The following TBC1D9B variants were observed in gnomAD, a reference collection of about 807,000 sequenced individuals.
The protein encoded by TBC1D9B is TBC1 domain family member 9B.
Under a neutral mutation model 121.1 loss-of-function variants are expected in TBC1D9B, and 87 were observed. The observed-to-expected ratio is 0.72, with a 90% CI of 0.60 to 0.86. TBC1D9B has a LOEUF of 0.86. Ranked by LOEUF, TBC1D9B falls within the 40% of genes least tolerant of loss-of-function variation. The pLI is 0.00. For synonymous variants in TBC1D9B, 668 were observed against 670.1 expected (o/e 1.00, Z 0.05); for missense variants, 1,540 against 1,628.6 (o/e 0.95, Z 0.94).
Position 179,907,766 on chromosome 5 carries a change from C to G in TBC1D9B, c.56G>C (p.Arg19Pro). Residue 19 changes from arginine to proline, a missense_variant, in exon 1 of 21, where the codon CGG (arginine) becomes CCG (proline). Transcript: ENST00000355235. This position sits in a 1 kb window ranked among gnomAD's most constrained non-coding sequence, Gnocchi z 5.3. ...LVANALWVTERANPFFVLQRR... is the reference protein window; with the variant it reads ...LVANALWVTEPANPFFVLQRR... ...CTGCAGCACGAAGAAGGGGTTGGCCCGCTCCGTCACCCACAGCGCATTGGC... is the reference window on the plus strand; with the variant it reads ...CTGCAGCACGAAGAAGGGGTTGGCCGGCTCCGTCACCCACAGCGCATTGGC... 3 of 1,224,442 alleles carry G rather than the reference C, an allele frequency of 2.5e-6. No homozygotes were observed. The highest frequency in any genetic ancestry group is 3.1e-6 in the Non-Finnish European group (3 of 954,546). 75.8% of individuals were successfully genotyped at this position (1,224,442 alleles called of 1,614,324 possible).
chr5:179,878,713 T>C (rs1202265599), intron 9 of TBC1D9B, among the ~76,000 whole-genome samples, 190 bp from the exon 10 acceptor site: 1 of 152,184 alleles, frequency 6.6e-6, no homozygotes, highest in Non-Finnish European at 1.5e-5. Flanking sequence ...AGTGGCTGAC[T>C]TGCCTCTTCC....
intron 17 of TBC1D9B, chr5:179,869,319 C>T (rs1760115214): frequency 5.7e-6 from 2 of 350,044 alleles, no homozygotes; most frequent in African/African-American, 4.3e-5. Flanking sequence ...GCCAGTGCAG[C>T]CCCACTAGGC....
chr5:179,886,970 T>C (rs1411848219), intron 7 of TBC1D9B, among the ~76,000 whole-genome samples: 3 of 152,134 alleles, frequency 2.0e-5, no homozygotes, highest in African/African-American at 7.2e-5. Flanking sequence ...AAGACACACA[T>C]CAAGTTGCTT....
At position 179,893,205 on chromosome 5, in the gene TBC1D9B, G is replaced by A. The variant is rs373008662; in HGVS notation, c.836+4C>T. ...GCCCACCCCAGCCCTGGAGGGCAAC[G>A]CACCGCTTCAGGGCTGAGATGTTCC... On this transcript the variant is annotated splice_donor_region_variant and intron_variant, in intron 5 of 20. Coordinates refer to ENST00000355235, the MANE Select transcript of TBC1D9B (RefSeq NM_015043.4). 47 of 1,599,596 alleles carry A rather than the reference G, an allele frequency of 2.9e-5. 1 individual carries two copies. Among genetic ancestry groups the A allele is most frequent in the African/African-American group, 5.4e-5 (4 of 74,692 alleles).
At position 179,879,840 on chromosome 5, in the gene TBC1D9B, G is replaced by A. The variant is rs752893810; in HGVS notation, c.1255-51C>T. 3 of 1,533,562 alleles carry A rather than the reference G, an allele frequency of 2.0e-6. No individual in the cohort carries two copies. The South Asian group carries it at 3.8e-5, about 19-fold the overall frequency. 95.0% of individuals were successfully genotyped at this position (1,533,562 alleles called of 1,614,324 possible). A position where few individuals can be genotyped will look rare whatever the true frequency, so the allele number is the denominator to read the frequency against. On this transcript the variant is annotated intron_variant, in intron 7 of 20. Coordinates refer to ENST00000355235, the MANE Select transcript of TBC1D9B (RefSeq NM_015043.4). ...CGCCCTAACAACTGTGCTGCCAGGT[G>A]GCCTCTGATGCGCCCATCCATCCAG...
rs1582107753 is a variant in TBC1D9B at position 179,902,600 on chromosome 5, T to G, written c.229+2102A>C. ...CGCTGCGTGGCTGTGGCTGGGCCCCTCCCCAGCACCAGGCCTGCTGTGACT... is the reference window on the plus strand; with the variant it reads ...CGCTGCGTGGCTGTGGCTGGGCCCCGCCCCAGCACCAGGCCTGCTGTGACT... On this transcript the variant is annotated intron_variant, in intron 2 of 20. Transcript: ENST00000355235. The surrounding 1 kb of genome is among the most constrained non-coding windows in gnomAD (Gnocchi z 4.9). Among the ~76,000 whole-genome samples, 1 of 152,072 alleles carries G rather than the reference T, an allele frequency of 6.6e-6. No homozygotes were observed. Among genetic ancestry groups the G allele is most frequent in the Non-Finnish European group, 1.5e-5 (1 of 67,978 alleles).
At chr5:179,877,814 G>A (rs1760403503) in intron 10 of TBC1D9B, among the ~76,000 whole-genome samples, 1 of 152,212 alleles carries the variant, frequency 6.6e-6, no homozygotes, top group Non-Finnish European at 1.5e-5. Flanking sequence ...GCACAGTAAG[G>A]CAAATACTGT....
chr5:179,878,428 G>A lies in TBC1D9B; in HGVS notation c.1663C>T (p.Arg555Ter), dbSNP rs199992645. ...KYSLATEEIE[R>*]DLHRSMPEHP... is the part of the protein sequence containing the mutation. ...TCGGGCATGGAGCGGTGCAGGTCTC[G>A]CTCGATCTCCTCTGTGGCCAGGCTG... Residue 555 changes from arginine (R) to a stop codon, truncating the protein, a stop_gained, in exon 10 of 21, where the codon CGA becomes TGA. Transcript: ENST00000355235. LOFTEE classifies it high-confidence loss of function. 2.6e-5 allele frequency: 42 copies of A among 1,613,156 alleles called. No individual in the cohort carries two copies. Among genetic ancestry groups the A allele is most frequent in the Non-Finnish European group, 3.4e-5 (40 of 1,179,656 alleles).
At position 179,904,843 on chromosome 5, in the gene TBC1D9B, G is replaced by A. The variant is rs1761270994; in HGVS notation, c.119-31C>T. 2.0e-6 allele frequency: 3 copies of A among 1,520,258 alleles called. No individual in the cohort carries two copies. The African/African-American group carries it at 4.2e-5, about 21-fold the overall frequency. The allele number at this position is 1,520,258 out of a possible 1,614,324, so 94.2% of individuals were successfully genotyped here. On this transcript the variant is annotated intron_variant, in intron 1 of 20. Transcript: ENST00000355235. The surrounding 1 kb of genome is among the most constrained non-coding windows in gnomAD (Gnocchi z 4.2). ...AACAGGGCAGAGAGACATAGAGGGTGAGGGGAGGGCCGGACTGAGGCCCCT... is the reference window on the plus strand; with the variant it reads ...AACAGGGCAGAGAGACATAGAGGGTAAGGGGAGGGCCGGACTGAGGCCCCT...
In TBC1D9B at chr5:179,890,470, G is replaced by A. The variant is rs1172126100; in HGVS notation, c.1044+909C>T. The stretch of plus-strand genomic sequence containing the variant: ...GGGCCCTGGTGCTAACAGAATGTGG[G>A]GTTCGGGTCACACCTGAGCCTCTTA... On this transcript the variant is annotated intron_variant, in intron 6 of 20. Transcript: ENST00000355235. This position sits in a 1 kb window ranked among gnomAD's most constrained non-coding sequence, Gnocchi z 5.0. Among the ~76,000 whole-genome samples, 4 of 152,198 alleles carry A rather than the reference G, an allele frequency of 2.6e-5. No homozygotes were observed. Among genetic ancestry groups the A allele is most frequent in the African/African-American group, 7.2e-5 (3 of 41,438 alleles).
At chr5:179,897,718 G>A (rs1476949126) in intron 3 of TBC1D9B, among the ~76,000 whole-genome samples, 3 of 152,250 alleles carry the variant, frequency 2.0e-5, no homozygotes, top group African/African-American at 7.2e-5. Context: ...TGGCATATAG[G>A]AGGCAGTGAA....
rs905482785 is a variant in TBC1D9B, at chr5:179,906,758, G to A, written c.118+946C>T. Among the ~76,000 whole-genome samples, 4 of 152,346 alleles carry A rather than the reference G, an allele frequency of 2.6e-5. No individual in the cohort carries two copies. The South Asian group carries it at 6.2e-4, about 24-fold the overall frequency. On this transcript the variant is annotated intron_variant, in intron 1 of 20. Coordinates refer to ENST00000355235, the MANE Select transcript of TBC1D9B (RefSeq NM_015043.4). ...GAAACGTGGCCCAGGAGAAGCCTCC[G>A]TCTGCATCTGGCTATTAGCTGCTCA...
chr5:179,884,815 T>C (rs1341201387), intron 7 of TBC1D9B, among the ~76,000 whole-genome samples: 1 of 152,108 alleles, frequency 6.6e-6, no homozygotes, highest in East Asian at 1.9e-4. Flanking sequence ...TCAATTCAAG[T>C]CAAAAAGGTA....
At chr5:179,894,997 G>A (rs766243887) in intron 3 of TBC1D9B, among the ~76,000 whole-genome samples, 2 of 152,096 alleles carry the variant, frequency 1.3e-5, no homozygotes, top group Non-Finnish European at 2.9e-5. Flanking sequence ...AAGTAGTTGG[G>A]ACTATAGGTG....
chr5:179,898,542 G>T (rs1761077629), intron 3 of TBC1D9B, among the ~76,000 whole-genome samples: 2 of 151,858 alleles, frequency 1.3e-5, no homozygotes, highest in African/African-American at 2.4e-5. Flanking sequence ...TCGGCCTCCT[G>T]GGTTCAAGCA....
chr5:179,890,150 G>A lies in TBC1D9B; in HGVS notation c.1044+1229C>T, dbSNP rs1305408391. Among the ~76,000 whole-genome samples the A allele has an allele frequency of 6.6e-6, 1 of 152,240 alleles. No individual in the cohort carries two copies. Among genetic ancestry groups the A allele is most frequent in the Non-Finnish European group, 1.5e-5 (1 of 68,040 alleles). ...AATTCAAGAGTCCACTACACCCACA[G>A]CAGAGTGAGCTGCGTGCGCAAAAGC... On this transcript the variant is annotated intron_variant, in intron 6 of 20. Coordinates refer to ENST00000355235, the MANE Select transcript of TBC1D9B (RefSeq NM_015043.4). The surrounding 1 kb of genome is among the most constrained non-coding windows in gnomAD (Gnocchi z 5.0).
At position 179,891,043 on chromosome 5, in the gene TBC1D9B, C is replaced by T. The variant is rs1269575507; in HGVS notation, c.1044+336G>A. 1.3e-5 allele frequency among the ~76,000 whole-genome samples: 2 copies of T among 152,216 alleles called. No homozygotes were observed. Among genetic ancestry groups the T allele is most frequent in the East Asian group, 1.9e-4 (1 of 5,192 alleles). On this transcript the variant is annotated intron_variant, in intron 6 of 20. Transcript: ENST00000355235. This position sits in a 1 kb window ranked among gnomAD's most constrained non-coding sequence, Gnocchi z 4.3. ...GAACACGGTCCTCTAAGCGCAGCCA[C>T]GGAGCAGCACTTTGCCCTGCAGGGC...
At chr5:179,871,760 G>A (rs537452677) in intron 14 of TBC1D9B, 93 of 483,936 alleles carry the variant, frequency 1.9e-4, no homozygotes, top group South Asian at 1.9e-3. Flanking sequence ...GGATGGGCGT[G>A]GGGGAGTCTC....
chr5:179,894,245 G>T, intron 4 of TBC1D9B, 141 bp downstream of exon 4: 2 of 795,392 alleles, frequency 2.5e-6, no homozygotes, highest in Non-Finnish European at 4.0e-6. Flanking sequence ...AGGCCGGACA[G>T]TCCCATCTTG....
Sources: allele counts gnomAD v4.1 joint callset (sites outside exome capture counted in the v4.1 genomes callset), GRCh38; gene constraint gnomAD v4.1.1; non-coding constraint Gnocchi (gnomAD v3.1); transcripts MANE v1.5; gene names NCBI Gene and HGNC (gene_info 2026-07-23, HGNC 2026-07-21).